Variants in RALGAPA2 observed in about 807,000 individuals in gnomAD.
RALGAPA2 encodes the protein Ral GTPase activating protein catalytic subunit alpha 2.
A neutral mutation model predicts 230.4 loss-of-function variants in RALGAPA2; 139 were observed. The ratio of observed to expected loss-of-function variants is 0.60; its 90% CI spans 0.53 to 0.69. RALGAPA2 has a LOEUF of 0.69. RALGAPA2 is among the 30% of genes least tolerant of loss of function. RALGAPA2 has a pLI of 0.00. For missense variants in RALGAPA2, 2,163 were observed against 2,276.0 expected, an observed-to-expected ratio of 0.95 and a Z score of 1.01; for synonymous variants, 847 against 837.8, an observed-to-expected ratio of 1.01 and a Z score of -0.19.
intron 31 of RALGAPA2, among the ~76,000 whole-genome samples, chr20:20,518,646 T>A (rs1234455386): frequency 6.6e-6 from 1 of 152,190 alleles, no homozygotes; most frequent in Non-Finnish European, 1.5e-5. Context: ...TTGGGAATGT[T>A]TCCCAAAGAG....
At chr20:20,469,461 C>T (rs1266307305) in intron 37 of RALGAPA2, among the ~76,000 whole-genome samples, 1 of 152,200 alleles carries the variant, frequency 6.6e-6, no homozygotes, top group Non-Finnish European at 1.5e-5. Context: ...GTACATTTCA[C>T]TTGTGAAAGA....
At chr20:20,592,938 C>CT (rs369668037) in intron 16 of RALGAPA2, among the ~76,000 whole-genome samples, 74 of 147,604 alleles carry the variant, frequency 5.0e-4, no homozygotes, top group African/African-American at 8.1e-4. Context: ...TATCAATTTA[C>CT]TTTTTTTTTT....
intron 24 of RALGAPA2, among the ~76,000 whole-genome samples, chr20:20,539,571 C>T (rs996124352): frequency 6.6e-6 from 1 of 152,132 alleles, no homozygotes; most frequent in Non-Finnish European, 1.5e-5. Flanking sequence ...ATGATTACCA[C>T]AAACAAGTGA....
At chr20:20,458,265 T>C (rs1353215461) in intron 37 of RALGAPA2, among the ~76,000 whole-genome samples, 6 of 151,946 alleles carry the variant, frequency 3.9e-5, no homozygotes, top group Admixed American at 6.6e-5. Context: ...TCGAAGATGG[T>C]TTCTGTTTTC....
At chr20:20,394,889 C>CAAAAAAA (rs10673778) in intron 39 of RALGAPA2, among the ~76,000 whole-genome samples, 17 of 44,640 alleles carry the variant, frequency 3.8e-4, no homozygotes, top group South Asian at 1.2e-3. Flanking sequence ...AATAAATAAG[C>CAAAAAAA]AAAAAAAAAA....
rs147362227 is a variant in RALGAPA2 at position 20,398,090 on chromosome 20, T to A, written c.5618-1356A>T. On this transcript the variant is annotated intron_variant, in intron 38 of 39. Transcript: ENST00000202677. This position sits in a 1 kb window ranked among gnomAD's most constrained non-coding sequence, Gnocchi z 4.5. ...TGTGCTGTGCTGAAGGGCCCCCATT[T>A]CCTCTCATGGAAGAGGGCAAACATA... 6.6e-5 allele frequency among the ~76,000 whole-genome samples: 10 copies of A among 152,254 alleles called. No individual in the cohort carries two copies. The highest frequency in any genetic ancestry group is 1.7e-4 in the African/African-American group (7 of 41,546).
chr20:20,416,034 C>T (rs946044208), intron 37 of RALGAPA2, among the ~76,000 whole-genome samples: 1 of 152,152 alleles, frequency 6.6e-6, no homozygotes, highest in African/African-American at 2.4e-5. Context: ...GTTGATGTCC[C>T]CATTTTACAT....
At position 20,589,364 on chromosome 20, in the gene RALGAPA2, A is replaced by G; in HGVS notation, c.2343T>C (p.Gly781=). The change falls in exon 18 of 40, where the codon GGT becomes GGC. Residue 781 remains glycine (G), a splice_region_variant and synonymous_variant. Coordinates refer to ENST00000202677, the MANE Select transcript of RALGAPA2 (RefSeq NM_020343.4). ...AATTCTGTGTGTTTTCTGCCTTTTG[A>G]CCTAGAAATGGTGGGGCAGGGGGGT... is the stretch of plus-strand genomic sequence containing the variant. ...PEPLCSDSSQ[G]QKAENTQNSS... is the part of the protein sequence containing the mutation. The G allele has an allele frequency of 6.3e-7, 1 of 1,580,566 alleles. No individual in the cohort carries two copies.
intron 37 of RALGAPA2, among the ~76,000 whole-genome samples, chr20:20,438,653 C>T (rs958842583): frequency 5.3e-5 from 8 of 152,180 alleles, no homozygotes; most frequent in African/African-American, 1.9e-4. Context: ...GCCAACTGTC[C>T]AATCTGGGTT....
chr20:20,692,990 A>T lies in RALGAPA2; in HGVS notation c.107-12189T>A, dbSNP rs181998846. Among the ~76,000 whole-genome samples, 155 of 152,388 alleles carry T rather than the reference A, an allele frequency of 1.0e-3. 1 individual carries two copies. The highest frequency in any genetic ancestry group is 2.9e-3 in the South Asian group (14 of 4,830). On this transcript the variant is annotated intron_variant, in intron 1 of 39. Coordinates refer to ENST00000202677, the MANE Select transcript of RALGAPA2 (RefSeq NM_020343.4). The stretch of plus-strand genomic sequence containing the variant: ...AGCTGAAATAAAATTTGCCAATTCC[A>T]ACAGGAAACAAACACTAGTGTCAAC...
intron 3 of RALGAPA2, among the ~76,000 whole-genome samples, chr20:20,668,021 T>G (rs2068015529): frequency 6.6e-6 from 1 of 152,066 alleles, no homozygotes; most frequent in African/African-American, 2.4e-5. Context: ...TCCTAAACCT[T>G]AAGTCAAAGT....
At chr20:20,702,241 G>A (rs2069409484) in intron 1 of RALGAPA2, among the ~76,000 whole-genome samples, 2 of 152,118 alleles carry the variant, frequency 1.3e-5, no homozygotes, top group Admixed American at 1.3e-4. Context: ...ATGGCAGGAT[G>A]GACAACACCA....
intron 37 of RALGAPA2, among the ~76,000 whole-genome samples, chr20:20,453,463 T>A (rs928270531): frequency 3.9e-5 from 6 of 152,102 alleles, no homozygotes; most frequent in African/African-American, 1.2e-4. Context: ...GGGGGTGGGT[T>A]TGGGCTCCTA....
intron 2 of RALGAPA2, among the ~76,000 whole-genome samples, chr20:20,677,580 T>C (rs1468407047): frequency 2.0e-5 from 3 of 148,054 alleles, no homozygotes; most frequent in African/African-American, 5.0e-5. Context: ...TAACAGGGAA[T>C]GAGAACCCGT....
intron 1 of RALGAPA2, among the ~76,000 whole-genome samples, chr20:20,690,490 C>G (rs2068862008): frequency 6.6e-6 from 1 of 152,112 alleles, no homozygotes; most frequent in Non-Finnish European, 1.5e-5. Context: ...AATCCAATTC[C>G]CACATGATCT....
At position 20,390,912 on chromosome 20, in the gene RALGAPA2, G is replaced by T. The variant is rs543223821; in HGVS notation, c.*2377C>A. 2.0e-5 allele frequency: 3 copies of T among 152,254 alleles called. No individual in the cohort carries two copies. Among genetic ancestry groups the T allele is most frequent in the Non-Finnish European group, 1.5e-5 (1 of 68,012 alleles). The allele number at this position is 152,254 out of a possible 1,614,324, so 9.4% of individuals were successfully genotyped here. ...CATGGGGTCGTTATAATCCTCAGGG[G>T]TTACAGGAGGGTTGAGTTATTTGCT... On this transcript the variant is annotated 3_prime_UTR_variant, in exon 40 of 40. Transcript: ENST00000202677.
chr20:20,511,081 T>C (rs1033053767), intron 33 of RALGAPA2, among the ~76,000 whole-genome samples, 173 bp downstream of exon 33: 1 of 152,186 alleles, frequency 6.6e-6, no homozygotes, highest in Non-Finnish European at 1.5e-5. Context: ...GAAAGTTTAT[T>C]CCTTATAGTA....
At chr20:20,506,751 G>A (rs2123715581) in intron 33 of RALGAPA2, among the ~76,000 whole-genome samples, 1 of 152,262 alleles carries the variant, frequency 6.6e-6, no homozygotes, top group South Asian at 2.1e-4. Flanking sequence ...TGGTAGAACT[G>A]AGTTCCATAT....
intron 23 of RALGAPA2, among the ~76,000 whole-genome samples, chr20:20,552,372 A>T (rs2063951025): frequency 6.6e-6 from 1 of 152,128 alleles, no homozygotes; most frequent in Non-Finnish European, 1.5e-5. Context: ...TAAAATCTGC[A>T]TATGAAAAAT....
Sources: allele counts gnomAD v4.1 joint callset (sites outside exome capture counted in the v4.1 genomes callset), GRCh38; gene constraint gnomAD v4.1.1; non-coding constraint Gnocchi (gnomAD v3.1); transcripts MANE v1.5; gene names NCBI Gene and HGNC (gene_info 2026-07-23, HGNC 2026-07-21).